Variants in TNPO3 observed in about 807,000 individuals in gnomAD.
The protein encoded by TNPO3 is transportin 3.
Under a neutral mutation model 122.8 loss-of-function variants are expected in TNPO3, and 65 were observed. The observed-to-expected ratio is 0.53, with a 90% confidence interval of 0.43 to 0.65. TNPO3 has a LOEUF of 0.65. Among genes scored for constraint, TNPO3 ranks in the 30% least tolerant of loss-of-function variants. The pLI is 0.00. For missense variants in TNPO3, 850 were observed against 1,136.7 expected (o/e 0.75, Z 3.63); for synonymous variants, 372 against 411.2 (o/e 0.90, Z 1.15).
chr7:129,055,803 T>A (rs1809406501), upstream of TNPO3: 2 of 488,702 alleles, frequency 4.1e-6, no homozygotes, highest in East Asian at 7.2e-5. Context: ...GAAACTGTAC[T>A]ATGGAGAAAT....
Position 129,001,244 on chromosome 7 carries a change from T to C in TNPO3, c.697-10A>G. On this transcript the variant is annotated splice_polypyrimidine_tract_variant and intron_variant, in intron 5 of 22. Coordinates refer to ENST00000265388, the MANE Select transcript of TNPO3 (RefSeq NM_012470.4). ...AGGTCTTATCCTGTTGCTGGGGAGG[T>C]AGCAGGAATAGGGAAGCAAGAAGTA... The C allele has an allele frequency of 3.1e-6, 5 of 1,591,072 alleles. No homozygotes were observed. The highest frequency in any genetic ancestry group is 4.3e-6 in the Non-Finnish European group (5 of 1,162,628).
At chr7:129,018,253 G>T in intron 1 of TNPO3, 96 bp from the exon 2 acceptor site, 2 of 1,260,550 alleles carry the variant, frequency 1.6e-6, no homozygotes, top group Non-Finnish European at 2.2e-6. Flanking sequence ...TTAGCCCAAA[G>T]TATAAAGAAA....
intron 1 of TNPO3, among the ~76,000 whole-genome samples, chr7:129,049,588 AAACT>A (rs757901842): frequency 1.3e-5 from 2 of 152,234 alleles, no homozygotes; most frequent in East Asian, 1.9e-4. Context: ...TAAAATGACT[AAACT>A]AACTGATTGA....
chr7:128,971,450 T>G (rs1350313943), intron 19 of TNPO3, among the ~76,000 whole-genome samples: 1 of 152,242 alleles, frequency 6.6e-6, no homozygotes, highest in African/African-American at 2.4e-5. Flanking sequence ...CTGGCCCTTC[T>G]TGTGGTCTTT....
intron 1 of TNPO3, among the ~76,000 whole-genome samples, chr7:129,044,087 C>T (rs1421947607): frequency 2.0e-5 from 3 of 152,128 alleles, no homozygotes; most frequent in East Asian, 1.9e-4. Context: ...ATTGTAATAA[C>T]GCATTAAAGT....
intron 1 of TNPO3, among the ~76,000 whole-genome samples, chr7:129,046,677 C>T (rs919518277): frequency 1.3e-5 from 2 of 152,146 alleles, no homozygotes; most frequent in African/African-American, 4.8e-5. Context: ...TAAAGACATA[C>T]CCAAGCCTGG....
intron 4 of TNPO3, among the ~76,000 whole-genome samples, chr7:129,011,847 T>A (rs572460563): frequency 1.3e-5 from 2 of 152,314 alleles, no homozygotes; most frequent in South Asian, 4.1e-4. Context: ...TATTAAAGGG[T>A]TAACTGTATG....
At chr7:129,033,781 C>T (rs766774129) in intron 1 of TNPO3, among the ~76,000 whole-genome samples, 13 of 151,964 alleles carry the variant, frequency 8.6e-5, no homozygotes, top group East Asian at 5.8e-4. Context: ...GACATGGTGG[C>T]GCATGACTGT....
chr7:129,039,341 C>T (rs1304142310), intron 1 of TNPO3, among the ~76,000 whole-genome samples: 2 of 152,028 alleles, frequency 1.3e-5, no homozygotes, highest in Non-Finnish European at 1.5e-5. Context: ...GCAGGAGGAT[C>T]GCTTGAGCCC....
chr7:129,031,121 C>T (rs2150497034), intron 1 of TNPO3, among the ~76,000 whole-genome samples: 1 of 152,114 alleles, frequency 6.6e-6, no homozygotes, highest in East Asian at 1.9e-4. Flanking sequence ...CCTGTCTCTA[C>T]TAAAAATACA....
At chr7:128,976,596 C>T (rs764677911) in intron 16 of TNPO3, among the ~76,000 whole-genome samples, 1 of 152,090 alleles carries the variant, frequency 6.6e-6, no homozygotes, top group Non-Finnish European at 1.5e-5. Context: ...ACCTCAGCCT[C>T]CCGAGCAGCT....
chr7:129,054,827 G>C lies in TNPO3; in HGVS notation c.-57C>G. ...CTGATTCTTCTCCGGAGGATTCCTC[G>C]GTTGCTCCGCCTTCGCGCTTCCTCA... is the stretch of plus-strand genomic sequence containing the variant. On this transcript the variant is annotated 5_prime_UTR_variant, in exon 1 of 23. Transcript: ENST00000265388. 5.6e-6 allele frequency: 9 copies of C among 1,610,310 alleles called. No homozygotes were observed. Among genetic ancestry groups the C allele is most frequent in the South Asian group, 2.2e-5 (2 of 90,870 alleles).
chr7:128,988,514 TC>T (rs1800409646), intron 11 of TNPO3, among the ~76,000 whole-genome samples: 1 of 152,128 alleles, frequency 6.6e-6, no homozygotes, highest in Non-Finnish European at 1.5e-5. Context: ...TTTTGACTAT[TC>T]TGAGTATGAA....
intron 19 of TNPO3, 105 bp downstream of exon 19, chr7:128,972,321 T>C (rs1198012821): frequency 9.3e-6 from 12 of 1,286,850 alleles, no homozygotes; most frequent in Non-Finnish European, 1.2e-5. Flanking sequence ...TCTACCAATA[T>C]AGATCAAGTA....
intron 3 of TNPO3, among the ~76,000 whole-genome samples, chr7:129,016,779 C>T (rs1803902234): frequency 6.6e-6 from 1 of 152,196 alleles, no homozygotes; most frequent in Non-Finnish European, 1.5e-5. Flanking sequence ...ACATAAATCA[C>T]TAGTCTTTTA....
At chr7:129,044,848 A>AT (rs1211958599) in intron 1 of TNPO3, among the ~76,000 whole-genome samples, 1 of 152,224 alleles carries the variant, frequency 6.6e-6, no homozygotes, top group Non-Finnish European at 1.5e-5. Context: ...AGCAATTCTA[A>AT]TTCTAGGTAT....
At chr7:129,007,943 G>GTT (rs1802758360) in intron 4 of TNPO3, among the ~76,000 whole-genome samples, 1 of 152,082 alleles carries the variant, frequency 6.6e-6, no homozygotes, top group Admixed American at 6.5e-5. Context: ...AAGGTCAGGA[G>GTT]TTTGAGACCA....
intron 4 of TNPO3, among the ~76,000 whole-genome samples, chr7:129,013,096 G>A (rs73463063): frequency 1.8e-4 from 27 of 152,262 alleles, no homozygotes; most frequent in African/African-American, 6.5e-4. Flanking sequence ...TCATCTTTAA[G>A]AGACAATCCT....
At chr7:129,046,195 C>CAAAAAAAAAAAAAAAAAAAAAAAAAAAAA (rs5887409) in intron 1 of TNPO3, among the ~76,000 whole-genome samples, 2 of 79,302 alleles carry the variant, frequency 2.5e-5, no homozygotes, top group African/African-American at 4.9e-5. Flanking sequence ...GACTCCGTCT[C>CAAAAAAAAAAAAAAAAAAAAAAAAAAAAA]AAAAAAAAAA....
Sources: gnomAD v4.1 joint callset for allele counts (sites outside exome capture counted in the v4.1 genomes callset) on GRCh38, gnomAD v4.1.1 for gene constraint, MANE v1.5 for transcripts, NCBI Gene and HGNC (gene_info 2026-07-23, HGNC 2026-07-21) for gene names.